STK39: variants seen among roughly 807,000 people sequenced by gnomAD.
STK39 encodes the protein serine/threonine kinase 39, also known as STE20/SPS1-related proline-alanine-rich protein kinase.
Under a neutral mutation model 77.8 loss-of-function variants are expected in STK39, and 20 were observed. That is an observed-to-expected ratio of 0.26 (90% CI 0.18 to 0.37). The LOEUF is 0.37. Ranked by LOEUF, STK39 falls within the 10% of genes least tolerant of loss-of-function variation. STK39 has a pLI of 1.00. For missense variants in STK39, 479 were observed against 656.5 expected (o/e 0.73, Z 2.95); for synonymous variants, 246 against 234.1 (o/e 1.05, Z -0.47).
chr2:167,955,676 G>A, intron 17 of STK39, 106 bp from the exon 18 acceptor site: 2 of 1,056,804 alleles, frequency 1.9e-6, no homozygotes, highest in East Asian at 2.6e-5. Flanking sequence ...GTTGGTATGG[G>A]ACCATGTGTC....
At chr2:168,152,510 A>G (rs1688316484) in intron 5 of STK39, among the ~76,000 whole-genome samples, 1 of 152,216 alleles carries the variant, frequency 6.6e-6, no homozygotes, top group African/African-American at 2.4e-5. Context: ...AACCGTCAAA[A>G]GGCATAGAGT....
intron 14 of STK39, among the ~76,000 whole-genome samples, chr2:168,031,560 T>A (rs1166929259): frequency 6.6e-6 from 1 of 152,158 alleles, no homozygotes; most frequent in African/African-American, 2.4e-5. Context: ...GGACAGGGTC[T>A]TCAAAGAGGT....
chr2:168,015,638 CTTAAAA>C (rs1388302103), intron 15 of STK39, among the ~76,000 whole-genome samples: 3 of 152,158 alleles, frequency 2.0e-5, no homozygotes. Context: ...TTTGTTACCT[CTTAAAA>C]TTAAAATTGA....
intron 3 of STK39, among the ~76,000 whole-genome samples, chr2:168,165,578 T>C (rs933646856): frequency 1.3e-5 from 2 of 152,042 alleles, no homozygotes; most frequent in Non-Finnish European, 2.9e-5. Flanking sequence ...TCCTTTTTCT[T>C]TTCCTTTTTC....
intron 16 of STK39, among the ~76,000 whole-genome samples, chr2:167,989,251 A>C (rs1468754516): frequency 2.0e-5 from 3 of 152,142 alleles, no homozygotes; most frequent in African/African-American, 7.2e-5. Flanking sequence ...TCATTTTGTG[A>C]ATGAAGGGGT....
At chr2:168,013,376 C>T (rs1007687988) in intron 15 of STK39, among the ~76,000 whole-genome samples, 10 of 152,156 alleles carry the variant, frequency 6.6e-5, no homozygotes, top group Admixed American at 2.0e-4. Flanking sequence ...GCTGGAATTA[C>T]TTAATTGAAA....
chr2:168,200,114 A>C (rs1271753082), intron 1 of STK39, among the ~76,000 whole-genome samples: 1 of 152,172 alleles, frequency 6.6e-6, no homozygotes, highest in African/African-American at 2.4e-5. Context: ...ATTCACCTTC[A>C]TCTCTCTCTT....
At chr2:168,203,077 C>T (rs1357727576) in intron 1 of STK39, among the ~76,000 whole-genome samples, 1 of 152,104 alleles carries the variant, frequency 6.6e-6, no homozygotes, top group Non-Finnish European at 1.5e-5. Flanking sequence ...TGTCCTGTGT[C>T]CTGAAGATGT....
chr2:168,065,162 A>C (rs570420097), intron 13 of STK39, among the ~76,000 whole-genome samples, 157 bp downstream of exon 13: 1 of 152,332 alleles, frequency 6.6e-6, no homozygotes, highest in South Asian at 2.1e-4. Context: ...TGGAGGTCCC[A>C]CAAAGCACAG....
intron 1 of STK39, among the ~76,000 whole-genome samples, chr2:168,193,335 G>T (rs1490166934): frequency 6.6e-6 from 1 of 152,178 alleles, no homozygotes; most frequent in African/African-American, 2.4e-5. Context: ...CCAGAAGCAG[G>T]GGCATGATGC....
At chr2:168,116,938 A>G (rs1687275040) in intron 10 of STK39, among the ~76,000 whole-genome samples, 1 of 152,220 alleles carries the variant, frequency 6.6e-6, no homozygotes, top group Admixed American at 6.5e-5. Context: ...CTATTTTTGG[A>G]ATATCTTCCT....
intron 2 of STK39, 53 bp downstream of exon 2, chr2:168,181,925 T>A (rs1166356836): frequency 3.6e-5 from 54 of 1,481,998 alleles, no homozygotes; most frequent in Non-Finnish European, 4.5e-5. Flanking sequence ...CATCCCCATA[T>A]ACCCATAGAT....
chr2:168,053,633 G>A (rs1214615280), intron 14 of STK39, among the ~76,000 whole-genome samples: 1 of 152,022 alleles, frequency 6.6e-6, no homozygotes, highest in Non-Finnish European at 1.5e-5. Context: ...AGTTGTCAAG[G>A]AAAAAACAGT....
At chr2:168,149,708 G>A (rs993731328) in intron 5 of STK39, among the ~76,000 whole-genome samples, 1 of 152,204 alleles carries the variant, frequency 6.6e-6, no homozygotes, top group South Asian at 2.1e-4. Flanking sequence ...CAAGAAAACC[G>A]TTTAGCACAC....
intron 3 of STK39, among the ~76,000 whole-genome samples, chr2:168,166,840 T>C (rs1199026425): frequency 6.6e-6 from 1 of 152,118 alleles, no homozygotes; most frequent in South Asian, 2.1e-4. Context: ...CAAACTGCAA[T>C]GTGTTAAGGA....
rs1689317965 is a variant in STK39, at chr2:168,190,683, C to T, written c.209-8593G>A. 2.6e-5 allele frequency among the ~76,000 whole-genome samples: 4 copies of T among 152,286 alleles called. No individual in the cohort carries two copies. The South Asian group carries it at 8.3e-4, about 32-fold the overall frequency. On this transcript the variant is annotated intron_variant, in intron 1 of 17. Transcript: ENST00000355999. ...ACAGACAAGAGCCCACAACAGCCCT[C>T]GAAATCCATGTCAGGGAACACTGCA...
intron 1 of STK39, among the ~76,000 whole-genome samples, chr2:168,241,634 C>T (rs1690761278): frequency 6.6e-6 from 1 of 152,222 alleles, no homozygotes; most frequent in Non-Finnish European, 1.5e-5. Flanking sequence ...AACAACCTCT[C>T]TTTCCCACTT....
intron 14 of STK39, among the ~76,000 whole-genome samples, chr2:168,035,259 C>T (rs771284158): frequency 6.6e-6 from 1 of 152,190 alleles, no homozygotes; most frequent in Non-Finnish European, 1.5e-5. Context: ...AATTTCACTT[C>T]AGCACCTGAC....
At chr2:167,967,788 T>G (rs1692199567) in intron 16 of STK39, among the ~76,000 whole-genome samples, 1 of 152,172 alleles carries the variant, frequency 6.6e-6, no homozygotes, top group South Asian at 2.1e-4. Context: ...TCTCCACATT[T>G]TTTAAAATAT....
Sources: allele counts gnomAD v4.1 joint callset (sites outside exome capture counted in the v4.1 genomes callset), GRCh38; gene constraint gnomAD v4.1.1; transcripts MANE v1.5; gene names NCBI Gene and HGNC (gene_info 2026-07-23, HGNC 2026-07-21).